Variants in LINGO2 observed in about 807,000 individuals in gnomAD.
LINGO2 encodes the protein leucine rich repeat and Ig domain containing 2.
A neutral mutation model predicts 30.6 loss-of-function variants in LINGO2; 14 were observed. The ratio of observed to expected loss-of-function variants is 0.46; its 90% CI spans 0.30 to 0.72. The LOEUF (loss-of-function observed/expected upper bound fraction) is 0.72, where lower values mean the gene tolerates loss of function less well. Ranked by LOEUF, LINGO2 falls within the 30% of genes least tolerant of loss-of-function variation. The probability of loss-of-function intolerance (pLI) is 0.07; values close to 1 mark genes in which losing one functional copy is unlikely to be tolerated. For synonymous variants in LINGO2, 317 were observed against 288.5 expected, an observed-to-expected ratio of 1.10 and a Z score of -1.00; for missense variants, 729 against 751.7, an observed-to-expected ratio of 0.97 and a Z score of 0.35.
chr9:28,522,521 T>C (rs1411307953), intron 1 of LINGO2, among the ~76,000 whole-genome samples: 1 of 152,092 alleles, frequency 6.6e-6, no homozygotes, highest in East Asian at 1.9e-4. Context: ...ACCAGAAGAG[T>C]CATAAGCAGA....
At chr9:29,079,819 G>C in the LINGO2 span, among the ~76,000 whole-genome samples, 4 of 151,958 alleles carry the variant, frequency 2.6e-5, no homozygotes, top group African/African-American at 9.7e-5. Context: ...AGATGAACAA[G>C]CAAGTGCTCA....
chr9:28,022,949 GTCTGT>G (rs1366794518), intron 4 of LINGO2, among the ~76,000 whole-genome samples: 4 of 151,890 alleles, frequency 2.6e-5, no homozygotes, highest in African/African-American at 9.7e-5. Context: ...TCTCAGCTGT[GTCTGT>G]TCTACTAATG....
chr9:28,581,025 C>T (rs141372526), intron 1 of LINGO2, among the ~76,000 whole-genome samples: 14 of 152,102 alleles, frequency 9.2e-5, no homozygotes, highest in African/African-American at 3.4e-4. Flanking sequence ...ACGACAGTAA[C>T]ATAGTTTCTC....
chr9:28,142,364 G>C (rs902124137), intron 4 of LINGO2, among the ~76,000 whole-genome samples: 1 of 152,010 alleles, frequency 6.6e-6, no homozygotes, highest in East Asian at 1.9e-4. Flanking sequence ...AAAGGATTTT[G>C]TTACTGCTAG....
At chr9:28,606,816 G>A (rs542036491) in intron 1 of LINGO2, among the ~76,000 whole-genome samples, 9 of 151,994 alleles carry the variant, frequency 5.9e-5, no homozygotes, top group African/African-American at 1.9e-4. Flanking sequence ...ATCATAAAAC[G>A]AGTTAGTGGA....
At chr9:28,754,623 T>A in the LINGO2 span, among the ~76,000 whole-genome samples, 1 of 151,592 alleles carries the variant, frequency 6.6e-6, no homozygotes, top group African/African-American at 2.4e-5. Context: ...TATCTGTTTA[T>A]CTGTTTCTGT....
chr9:28,833,925 G>T, the LINGO2 span, among the ~76,000 whole-genome samples: 1 of 151,878 alleles, frequency 6.6e-6, no homozygotes, highest in Non-Finnish European at 1.5e-5. Context: ...TCTTTATATC[G>T]CACTCATAGA....
the LINGO2 span, among the ~76,000 whole-genome samples, chr9:29,142,158 C>T: frequency 2.0e-5 from 3 of 151,820 alleles, no homozygotes; most frequent in Admixed American, 6.6e-5. Flanking sequence ...TGTTAGGCCA[C>T]AAAGCAAATC....
intron 2 of LINGO2, among the ~76,000 whole-genome samples, chr9:28,443,023 C>A (rs140200867): frequency 1.3e-5 from 2 of 152,040 alleles, no homozygotes; most frequent in African/African-American, 2.4e-5. Flanking sequence ...TTGTAACACA[C>A]ATAGACTGAT....
chr9:28,024,832 A>T (rs986691050), intron 4 of LINGO2, among the ~76,000 whole-genome samples: 1 of 152,128 alleles, frequency 6.6e-6, no homozygotes, highest in Non-Finnish European at 1.5e-5. Flanking sequence ...CAAATGTTGC[A>T]TCTGAGCAGC....
At chr9:28,387,323 A>G (rs1463467732) in intron 2 of LINGO2, among the ~76,000 whole-genome samples, 2 of 152,098 alleles carry the variant, frequency 1.3e-5, no homozygotes, top group Non-Finnish European at 2.9e-5. Flanking sequence ...AAACGCACCA[A>G]TTGGCGCTCT....
intron 2 of LINGO2, among the ~76,000 whole-genome samples, chr9:28,450,549 A>C (rs1413314902): frequency 5.3e-5 from 8 of 152,014 alleles, no homozygotes; most frequent in Non-Finnish European, 1.0e-4. Context: ...TTTAACTTTG[A>C]GGCTCAGAAA....
intron 4 of LINGO2, among the ~76,000 whole-genome samples, chr9:28,024,693 C>T (rs1258743290): frequency 6.6e-6 from 1 of 152,106 alleles, no homozygotes; most frequent in Non-Finnish European, 1.5e-5. Context: ...AAGTGAGTTC[C>T]AATGTTCCAA....
chr9:28,083,029 C>T (rs1320892276), intron 4 of LINGO2, among the ~76,000 whole-genome samples: 5 of 152,154 alleles, frequency 3.3e-5, no homozygotes, highest in Non-Finnish European at 7.4e-5. Context: ...GTCCATGGTC[C>T]TGTAACTCCT....
At chr9:28,701,141 G>A in the LINGO2 span, among the ~76,000 whole-genome samples, 4 of 151,608 alleles carry the variant, frequency 2.6e-5, no homozygotes, top group Non-Finnish European at 4.4e-5. Flanking sequence ...CTTGCCCGGA[G>A]CAGACATTTT....
intron 4 of LINGO2, chr9:28,149,379 G>T (rs1366946424): frequency 4.8e-6 from 2 of 412,548 alleles, no homozygotes; most frequent in East Asian, 4.5e-5. Flanking sequence ...GAGCGCCTCT[G>T]CCAGGCTGCT....
At chr9:28,603,217 G>A (rs183273632) in intron 1 of LINGO2, among the ~76,000 whole-genome samples, 187 of 152,138 alleles carry the variant, frequency 1.2e-3, no homozygotes, top group Admixed American at 6.4e-3. Flanking sequence ...AGTCTGTACA[G>A]AATTAGGAAA....
chr9:28,097,202 TG>T (rs1224528755), intron 4 of LINGO2, among the ~76,000 whole-genome samples: 1 of 152,078 alleles, frequency 6.6e-6, no homozygotes, highest in African/African-American at 2.4e-5. Context: ...CTGGAGGGGA[TG>T]TGGAGAAATA....
At chr9:28,513,142 G>C (rs548430002) in intron 1 of LINGO2, among the ~76,000 whole-genome samples, 23 of 149,248 alleles carry the variant, frequency 1.5e-4, no homozygotes, top group Non-Finnish European at 2.8e-4. Context: ...AAATATTCTA[G>C]CTTTAAATGC....
Sources: allele counts gnomAD v4.1 joint callset (sites outside exome capture counted in the v4.1 genomes callset), GRCh38; gene constraint gnomAD v4.1.1; transcripts MANE v1.5; gene names NCBI Gene and HGNC (gene_info 2026-07-23, HGNC 2026-07-21).